The following SCN3A variants were observed in gnomAD, a reference collection of about 807,000 sequenced individuals.
SCN3A encodes the protein sodium channel protein type 3 subunit alpha.
SCN3A carries 60 observed loss-of-function variants against 187.6 expected under a neutral mutation model. The observed-to-expected ratio is 0.32, with a 90% CI of 0.26 to 0.40. The LOEUF (loss-of-function observed/expected upper bound fraction) is 0.40, where lower values mean the gene tolerates loss of function less well. Among genes scored for constraint, SCN3A ranks in the 10% least tolerant of loss-of-function variants. SCN3A has a pLI of 1.00. For missense variants in SCN3A, 1,601 were observed against 2,428.2 expected (o/e 0.66, Z 7.16); for synonymous variants, 788 against 829.2 (o/e 0.95, Z 0.85).
chr2:165,119,907 C>G (rs773722245), intron 18 of SCN3A: 2 of 152,114 alleles, frequency 1.3e-5, no homozygotes, highest in African/African-American at 2.4e-5. Flanking sequence ...GGAATATAGG[C>G]ATAATAATAG....
rs1436972487 is a variant in SCN3A, at chr2:165,131,437, A to G, written c.2392-20T>C. 1 of 1,584,758 alleles carries G rather than the reference A, an allele frequency of 6.3e-7. No homozygotes were observed. The highest frequency in any genetic ancestry group is 1.3e-5 in the African/African-American group (1 of 74,268). ...AAAGACCTAAAAAATAGAGATCAGCACTACTTCAAGAGCACTGAAAAACAC... is the reference window on the plus strand; with the variant it reads ...AAAGACCTAAAAAATAGAGATCAGCGCTACTTCAAGAGCACTGAAAAACAC... On this transcript the variant is annotated intron_variant, in intron 15 of 27. Coordinates refer to ENST00000283254, the MANE Select transcript of SCN3A (RefSeq NM_006922.4).
intron 11 of SCN3A, among the ~76,000 whole-genome samples, chr2:165,147,291 G>T (rs925440984): frequency 1.4e-5 from 2 of 138,306 alleles, no homozygotes; most frequent in African/African-American, 5.5e-5. Context: ...TTTGGGGGGG[G>T]GGGGTTGGTG....
intron 1 of SCN3A, among the ~76,000 whole-genome samples, chr2:165,199,284 T>C (rs1692174587): frequency 6.6e-6 from 1 of 151,978 alleles, no homozygotes; most frequent in Non-Finnish European, 1.5e-5. Flanking sequence ...GCACAGAGTT[T>C]AATCACATGA....
chr2:165,113,685 G>A, intron 20 of SCN3A, 131 bp downstream of exon 20: 1 of 952,970 alleles, frequency 1.0e-6, no homozygotes, highest in Non-Finnish European at 1.7e-6. Context: ...GTTAAACCTT[G>A]GGTGCCAAGC....
At position 165,140,772 on chromosome 2, in the gene SCN3A, C is replaced by G. The variant is rs773717117; in HGVS notation, c.1898G>C (p.Arg633Thr). 11 of 1,614,114 alleles carry G rather than the reference C, an allele frequency of 6.8e-6. No individual in the cohort carries two copies. The South Asian group carries it at 1.2e-4, about 18-fold the overall frequency. Residue 633 changes from arginine (R) to threonine (T), a missense_variant, in exon 13 of 28, where the codon AGG (arginine) becomes ACG (threonine). Coordinates refer to ENST00000283254, the MANE Select transcript of SCN3A (RefSeq NM_006922.4). This position sits in a 1 kb window ranked among gnomAD's most constrained non-coding sequence, Gnocchi z 4.2. ...ATTTGCTGGAAGCCCTGGCACCATCCTGGATGACATACTGGCCTGACTAAC... is the reference window on the plus strand; with the variant it reads ...ATTTGCTGGAAGCCCTGGCACCATCGTGGATGACATACTGGCCTGACTAAC... ...SNVSQASMSS[R>T]MVPGLPANGK...
intron 15 of SCN3A, among the ~76,000 whole-genome samples, chr2:165,136,361 A>C (rs1687658811): frequency 6.6e-6 from 1 of 152,186 alleles, no homozygotes; most frequent in Admixed American, 6.6e-5. Context: ...TCATTATTTC[A>C]AAGAAAGGTC....
intron 21 of SCN3A, among the ~76,000 whole-genome samples, chr2:165,104,676 A>G (rs1685765004): frequency 6.6e-6 from 1 of 152,078 alleles, no homozygotes; most frequent in Non-Finnish European, 1.5e-5. Context: ...ATACATGACA[A>G]AAGAATTCAA....
At chr2:165,146,439 CATAT>C (rs1366758605) in intron 12 of SCN3A, among the ~76,000 whole-genome samples, 2 of 140,280 alleles carry the variant, frequency 1.4e-5, no homozygotes, top group South Asian at 2.3e-4. Context: ...TATATACACA[CATAT>C]ATATATACAG....
At chr2:165,178,052 A>G (rs188002026) in intron 2 of SCN3A, among the ~76,000 whole-genome samples, 2 of 152,094 alleles carry the variant, frequency 1.3e-5, no homozygotes, top group Non-Finnish European at 1.5e-5. Flanking sequence ...GATTCTTGGC[A>G]GCTCACTACA....
intron 10 of SCN3A, among the ~76,000 whole-genome samples, chr2:165,155,234 A>C: frequency 6.6e-6 from 1 of 152,150 alleles, no homozygotes; most frequent in East Asian, 1.9e-4. Context: ...CTCAGTGTAC[A>C]TATATAGGTA....
At chr2:165,147,320 G>T (rs1688419130) in intron 11 of SCN3A, among the ~76,000 whole-genome samples, 1 of 150,802 alleles carries the variant, frequency 6.6e-6, no homozygotes, top group Admixed American at 6.6e-5. Context: ...TCTCTTCAAA[G>T]TGTCTTCTAT....
At chr2:165,145,783 T>C (rs1450765801) in intron 12 of SCN3A, among the ~76,000 whole-genome samples, 1 of 152,080 alleles carries the variant, frequency 6.6e-6, no homozygotes, top group African/African-American at 2.4e-5. Context: ...TCTCAAAGCA[T>C]TATTTTTAGG....
Position 165,162,380 on chromosome 2 carries a change from A to C in SCN3A, c.968-9T>G. ...CAAAACATAAAAGTGACCTGTTAAT[A>C]CAAAAAAAAACCCATTTTATTTCAT... On this transcript the variant is annotated splice_polypyrimidine_tract_variant and intron_variant, in intron 8 of 27. Coordinates refer to ENST00000283254, the MANE Select transcript of SCN3A (RefSeq NM_006922.4). 1.2e-6 allele frequency: 2 copies of C among 1,612,762 alleles called. No homozygotes were observed. The highest frequency in any genetic ancestry group is 1.7e-6 in the Non-Finnish European group (2 of 1,179,098).
intron 3 of SCN3A, among the ~76,000 whole-genome samples, chr2:165,171,196 T>C (rs1690082242): frequency 6.6e-6 from 1 of 151,972 alleles, no homozygotes; most frequent in African/African-American, 2.4e-5. Flanking sequence ...TACAAGTGAT[T>C]ATTTACCATG....
At chr2:165,170,623 T>C in intron 3 of SCN3A, 75 bp from the exon 4 acceptor site, 1 of 896,390 alleles carries the variant, frequency 1.1e-6, no homozygotes, top group Admixed American at 1.9e-5. Flanking sequence ...CATGAAGAAC[T>C]TTTTAAAAAA....
At chr2:165,196,963 A>G (rs147719362) in intron 1 of SCN3A, among the ~76,000 whole-genome samples, 39 of 152,276 alleles carry the variant, frequency 2.6e-4, no homozygotes, top group East Asian at 3.9e-4. Context: ...GTGAATGTAT[A>G]GTTGTACAAA....
chr2:165,157,716 A>C (rs1266022028), intron 9 of SCN3A, among the ~76,000 whole-genome samples: 1 of 152,216 alleles, frequency 6.6e-6, no homozygotes, highest in Non-Finnish European at 1.5e-5. Flanking sequence ...ATTATTCTGC[A>C]TAGGATATTT....
At chr2:165,195,501 A>G (rs1390391651) in intron 1 of SCN3A, 1 of 152,174 alleles carries the variant, frequency 6.6e-6, no homozygotes, top group Non-Finnish European at 1.5e-5. Flanking sequence ...CGAGTGCCCT[A>G]TTGAATGTCT....
intron 18 of SCN3A, among the ~76,000 whole-genome samples, chr2:165,115,899 C>G (rs570944604): frequency 5.5e-4 from 84 of 152,132 alleles, no homozygotes; most frequent in African/African-American, 1.9e-3. Context: ...ACATTGAGGC[C>G]AAACCAAGAA....
Sources: allele counts gnomAD v4.1 joint callset (sites outside exome capture counted in the v4.1 genomes callset), GRCh38; gene constraint gnomAD v4.1.1; non-coding constraint Gnocchi (gnomAD v3.1); transcripts MANE v1.5; gene names NCBI Gene and HGNC (gene_info 2026-07-23, HGNC 2026-07-21).